The following ZNHIT3 variants were observed in gnomAD, a reference collection of about 807,000 sequenced individuals.
The protein encoded by ZNHIT3 is zinc finger HIT domain-containing protein 3.
Under a neutral mutation model 19.9 loss-of-function variants are expected in ZNHIT3, and 27 were observed. That is an observed-to-expected ratio of 1.36 (90% CI 1.00 to 1.87). The LOEUF is 1.87. ZNHIT3 is among the 40% of genes most tolerant of loss of function. ZNHIT3 has a pLI of 0.00. For synonymous variants in ZNHIT3, 81 were observed against 65.7 expected (o/e 1.23, Z -1.13); for missense variants, 215 against 185.6 (o/e 1.16, Z -0.92).
downstream of ZNHIT3, chr17:36,497,572 T>C (rs550559255): frequency 6.1e-6 from 6 of 984,796 alleles, no homozygotes; most frequent in South Asian, 2.8e-4. Context: ...ATTGACCTAT[T>C]ATTACCCTAA....
chr17:36,487,160 C>T (rs776531093), intron 2 of ZNHIT3, among the ~76,000 whole-genome samples, 194 bp downstream of exon 2: 2 of 152,114 alleles, frequency 1.3e-5, no homozygotes, highest in East Asian at 1.9e-4. Flanking sequence ...CCTCTGTTGT[C>T]CCTGCCTGTA....
chr17:36,495,745 G>GCATT lies in ZNHIT3; in HGVS notation c.*341_*342insCATT. ...GTCAGTGTTAATAAAATCAAAACGT[G>GCATT]ATTCTACTGTACATTGCATTATTCA... On this transcript the variant is annotated 3_prime_UTR_variant, in exon 5 of 5. Transcript: ENST00000617429. 8.0e-7 allele frequency: 1 copy of GCATT among 1,245,698 alleles called. No individual in the cohort carries two copies. Among genetic ancestry groups the GCATT allele is most frequent in the Non-Finnish European group, 1.0e-6 (1 of 996,206 alleles). The allele number at this position is 1,245,698 out of a possible 1,614,324, so 77.2% of individuals were successfully genotyped here.
chr17:36,498,737 A>C (rs2071230231), downstream of ZNHIT3: 1 of 660,594 alleles, frequency 1.5e-6, no homozygotes, highest in African/African-American at 1.8e-5. Context: ...TATACACCCC[A>C]GGCAACTGTG....
chr17:36,489,955 T>TTTTTG (rs57745765), intron 2 of ZNHIT3: 74 of 150,218 alleles, frequency 4.9e-4, no homozygotes, highest in African/African-American at 1.7e-3. Flanking sequence ...TTTTTTTTTT[T>TTTTTG]GGCTGTTGAG....
intron 4 of ZNHIT3, among the ~76,000 whole-genome samples, chr17:36,494,379 GTC>G (rs1311075010): frequency 6.6e-6 from 1 of 152,144 alleles, no homozygotes; most frequent in Non-Finnish European, 1.5e-5. Context: ...ATGGTAATTT[GTC>G]TCTCACATAC....
downstream of ZNHIT3, chr17:36,495,954 A>C: frequency 1.1e-6 from 1 of 950,040 alleles, no homozygotes; most frequent in Non-Finnish European, 1.4e-6. Context: ...GTGTAGTGAC[A>C]GACAGTCATG....
intron 4 of ZNHIT3, among the ~76,000 whole-genome samples, chr17:36,494,600 TAAA>T (rs2070831569): frequency 6.6e-6 from 1 of 152,236 alleles, no homozygotes; most frequent in Non-Finnish European, 1.5e-5. Flanking sequence ...AGAATCATGT[TAAA>T]AGGTTATGTT....
At chr17:36,497,374 C>T (rs1035418943), downstream of ZNHIT3, among the ~76,000 whole-genome samples, 13 of 150,536 alleles carry the variant, frequency 8.6e-5, no homozygotes, top group African/African-American at 3.2e-4. Flanking sequence ...CTTGTCATTT[C>T]GTCAGCCAGA....
downstream of ZNHIT3, chr17:36,498,003 G>A (rs1022469514): frequency 4.2e-5 from 20 of 478,740 alleles, no homozygotes; most frequent in African/African-American, 2.3e-4. Context: ...CATTGCATTT[G>A]GAAATGGGAC....
At chr17:36,498,427 G>C (rs1222511552), downstream of ZNHIT3, 1 of 1,613,918 alleles carries the variant, frequency 6.2e-7, no homozygotes, top group Non-Finnish European at 8.5e-7. Flanking sequence ...ACCAGTCCCA[G>C]GGGCCAGAGG....
At chr17:36,495,832 C>A (rs2142569227), downstream of ZNHIT3, 12 of 1,239,840 alleles carry the variant, frequency 9.7e-6, no homozygotes, top group Non-Finnish European at 1.2e-5. Context: ...AGTTTTGTTC[C>A]TTTTTAAAGG....
At position 36,495,808 on chromosome 17, in the gene ZNHIT3, T is replaced by C; in HGVS notation, c.*404T>C. The C allele has an allele frequency of 2.4e-6, 3 of 1,240,858 alleles. No individual in the cohort carries two copies. In the Middle Eastern group the frequency reaches 9.3e-4, roughly 384 times the overall value. The allele number at this position is 1,240,858 out of a possible 1,614,324, so 76.9% of individuals were successfully genotyped here. A position where few individuals can be genotyped will look rare whatever the true frequency, so the allele number is the denominator to read the frequency against. ...TTGAAATTACATTAAATAAATCAAC[T>C]AATTAAATACTAAAGTTTTGTTCCT... On this transcript the variant is annotated 3_prime_UTR_variant, in exon 5 of 5. Transcript: ENST00000617429.
chr17:36,486,889 C>T (rs768029722), intron 1 of ZNHIT3, 46 bp from the exon 2 acceptor site: 1 of 1,593,900 alleles, frequency 6.3e-7, no homozygotes, highest in Non-Finnish European at 8.5e-7. Flanking sequence ...CTGGAGGGGC[C>T]GGGGACCCTC....
rs529171679 is a variant in ZNHIT3 at position 36,494,594 on chromosome 17, T to C, written c.286+588T>C. 1.1e-4 allele frequency among the ~76,000 whole-genome samples: 16 copies of C among 152,362 alleles called. No individual in the cohort carries two copies. The South Asian group carries it at 2.9e-3, about 28-fold the overall frequency. On this transcript the variant is annotated intron_variant, in intron 4 of 4. Transcript: ENST00000617429. ...ATTTCATTCTTCCCATTTCACAGAA[T>C]CATGTTAAAAGGTTATGTTTTGCAC...
Position 36,495,367 on chromosome 17 carries a change from T to G in ZNHIT3, c.431T>G (p.Leu144Ter). Residue 144 changes from leucine to a stop codon, truncating the protein, a stop_gained, in exon 5 of 5, where the codon TTA becomes TGA. Transcript: ENST00000617429. LOFTEE classifies it high-confidence loss of function. ...TTTGTGGAGTTTGCAGACTGCTGTT[T>G]AGGAATTGTGGAGCCATCCCAGAAT... is the stretch of plus-strand genomic sequence containing the variant. ...PLFVEFADCC[L>*]GIVEPSQNEE... The G allele has an allele frequency of 3.7e-6, 6 of 1,611,234 alleles. No homozygotes were observed. The highest frequency in any genetic ancestry group is 4.2e-6 in the Non-Finnish European group (5 of 1,179,306).
Position 36,495,385 on chromosome 17 carries a change from C to G in ZNHIT3, c.449C>G (p.Ser150Cys). 1 of 1,607,970 alleles carries G rather than the reference C, an allele frequency of 6.2e-7. No individual in the cohort carries two copies. ...TGCTGTTTAGGAATTGTGGAGCCATCCCAGAATGAGGAGTCTTAAGATGGA... is the reference window on the plus strand; with the variant it reads ...TGCTGTTTAGGAATTGTGGAGCCATGCCAGAATGAGGAGTCTTAAGATGGA... ...ADCCLGIVEP[S>C]QNEES Residue 150 changes from serine (S) to cysteine (C), a missense_variant, in exon 5 of 5, where the codon TCC (serine) becomes TGC (cysteine). Ser to Cys is a moderately radical substitution (Grantham distance 112, BLOSUM62 -1). Transcript: ENST00000617429.
chr17:36,494,327 T>C (rs904732813), intron 4 of ZNHIT3, among the ~76,000 whole-genome samples: 3 of 152,216 alleles, frequency 2.0e-5, no homozygotes, highest in East Asian at 1.9e-4. Flanking sequence ...TGGTTTCCCA[T>C]AGCAACTTGG....
Position 36,495,272 on chromosome 17 carries a change from G to A in ZNHIT3, c.336G>A (p.Gln112=), listed in dbSNP as rs150495058. Residue 112 remains glutamine (Q), a synonymous_variant, in exon 5 of 5, where the codon CAG becomes CAA. Coordinates refer to ENST00000617429, the MANE Select transcript of ZNHIT3 (RefSeq NM_004773.4). ...TATTGCTCAATCCACACCTCAGGCA[G>A]TTGATGGTCAACCTCGATCAGGGAG... ...RSLLLNPHLR[Q]LMVNLDQGED... is the part of the protein sequence containing the mutation. 3.8e-5 allele frequency: 61 copies of A among 1,612,828 alleles called. No homozygotes were observed. Among genetic ancestry groups the A allele is most frequent in the Non-Finnish European group, 5.0e-5 (59 of 1,179,738 alleles).
chr17:36,498,194 G>T (rs1008823477), downstream of ZNHIT3: 3 of 1,517,606 alleles, frequency 2.0e-6, no homozygotes, highest in African/African-American at 1.4e-5. Context: ...TCTCATTCCC[G>T]CTGTGAACTT....
Sources: allele counts gnomAD v4.1 joint callset (sites outside exome capture counted in the v4.1 genomes callset), GRCh38; gene constraint gnomAD v4.1.1; transcripts MANE v1.5; gene names NCBI Gene and HGNC (gene_info 2026-07-23, HGNC 2026-07-21).